INPP4B: variants seen among roughly 807,000 people sequenced by gnomAD.
The protein encoded by INPP4B is inositol polyphosphate-4-phosphatase type II B, also known as inositol polyphosphate 4-phosphatase type II.
INPP4B carries 55 observed loss-of-function variants against 122.5 expected under a neutral mutation model. The ratio of observed to expected loss-of-function variants is 0.45; its 90% CI spans 0.36 to 0.56. INPP4B has a LOEUF of 0.56. Among genes scored for constraint, INPP4B ranks in the 20% least tolerant of loss-of-function variants. The pLI is 0.00. For synonymous variants in INPP4B, 403 were observed against 388.7 expected (o/e 1.04, Z -0.43); for missense variants, 1,000 against 1,097.7 (o/e 0.91, Z 1.26).
rs140022944 is a variant in INPP4B at position 142,129,244 on chromosome 4, A to T, written c.1721-4484T>A. Among the ~76,000 whole-genome samples the T allele has an allele frequency of 2.1e-3, 325 of 152,246 alleles. 3 individuals are homozygous for T. Among genetic ancestry groups the T allele is most frequent in the African/African-American group, 7.5e-3 (311 of 41,542 alleles). ...AAACTTACAGCCAGTAGGGGTTTTC[A>T]TCTATGCCTGAACCCCAGGTAGTAC... is the stretch of plus-strand genomic sequence containing the variant. On this transcript the variant is annotated intron_variant, in intron 18 of 25. Transcript: ENST00000262992.
chr4:142,612,739 C>T (rs1272830224), intron 2 of INPP4B, among the ~76,000 whole-genome samples: 1 of 152,080 alleles, frequency 6.6e-6, no homozygotes, highest in Non-Finnish European at 1.5e-5. Context: ...TTTGTGAAGG[C>T]TCCACCCTCA....
At chr4:142,249,203 A>G (rs1730675250) in intron 11 of INPP4B, among the ~76,000 whole-genome samples, 2 of 152,122 alleles carry the variant, frequency 1.3e-5, no homozygotes. Context: ...TGTTAGGTAT[A>G]CAAAAATACT....
intron 2 of INPP4B, among the ~76,000 whole-genome samples, chr4:142,685,158 C>CAA (rs1759165406): frequency 6.6e-6 from 1 of 152,010 alleles, no homozygotes; most frequent in African/African-American, 2.4e-5. Context: ...TGCTTCTTCC[C>CAA]AATTTTACAA....
intron 2 of INPP4B, among the ~76,000 whole-genome samples, chr4:142,621,972 G>C (rs1745037210): frequency 6.6e-6 from 1 of 151,876 alleles, no homozygotes; most frequent in Non-Finnish European, 1.5e-5. Flanking sequence ...AGAAGATTAA[G>C]TAACTTAATG....
chr4:142,416,198 T>G (rs1266492971), intron 5 of INPP4B, among the ~76,000 whole-genome samples: 2 of 151,958 alleles, frequency 1.3e-5, no homozygotes, highest in East Asian at 3.9e-4. Context: ...TGAGGGAGAA[T>G]AAAGAAAATA....
chr4:142,484,339 C>A (rs1820944821), intron 2 of INPP4B, among the ~76,000 whole-genome samples: 1 of 151,872 alleles, frequency 6.6e-6, no homozygotes, highest in African/African-American at 2.4e-5. Context: ...AATATACATG[C>A]ATATAAAAAT....
intron 7 of INPP4B, among the ~76,000 whole-genome samples, chr4:142,380,039 G>T (rs924625021): frequency 3.9e-5 from 6 of 152,214 alleles, no homozygotes; most frequent in African/African-American, 1.4e-4. Flanking sequence ...ACTTGAGGCA[G>T]AAATAAACTC....
chr4:142,405,924 A>G (rs1803250257), intron 5 of INPP4B, among the ~76,000 whole-genome samples: 1 of 152,024 alleles, frequency 6.6e-6, no homozygotes, highest in African/African-American at 2.4e-5. Flanking sequence ...AGCCTGGAGG[A>G]GATGGGTTAA....
At chr4:142,510,207 T>C (rs1364858149) in intron 2 of INPP4B, among the ~76,000 whole-genome samples, 1 of 152,196 alleles carries the variant, frequency 6.6e-6, no homozygotes, top group East Asian at 1.9e-4. Flanking sequence ...GCTTTAGAGG[T>C]TCATATCAGT....
At chr4:142,376,041 T>C (rs1791712396) in intron 7 of INPP4B, among the ~76,000 whole-genome samples, 1 of 152,060 alleles carries the variant, frequency 6.6e-6, no homozygotes, top group Non-Finnish European at 1.5e-5. Context: ...GTCAAATTTA[T>C]TATAATGAAA....
At chr4:142,273,173 G>T (rs1435102856) in intron 9 of INPP4B, among the ~76,000 whole-genome samples, 1 of 151,916 alleles carries the variant, frequency 6.6e-6, no homozygotes, top group African/African-American at 2.4e-5. Flanking sequence ...TAAATTATGG[G>T]AGATAATTAA....
intron 12 of INPP4B, among the ~76,000 whole-genome samples, chr4:142,224,044 A>G (rs1850474018): frequency 6.6e-6 from 1 of 152,164 alleles, no homozygotes; most frequent in African/African-American, 2.4e-5. Context: ...TGTTTTACCT[A>G]AGTATTCAAA....
At chr4:142,198,167 C>T (rs113807271) in intron 14 of INPP4B, among the ~76,000 whole-genome samples, 4,532 of 151,976 alleles carry the variant, frequency 0.03, 212 homozygotes, top group African/African-American at 0.1. Context: ...TTAAACTGAC[C>T]GGACCTATAT....
At chr4:142,756,612 G>A (rs1278029954) in intron 1 of INPP4B, among the ~76,000 whole-genome samples, 2 of 151,732 alleles carry the variant, frequency 1.3e-5, no homozygotes, top group Non-Finnish European at 2.9e-5. Flanking sequence ...AAGGAAAGGT[G>A]ATTCAAAGTA....
At chr4:142,378,935 A>G (rs1793017171) in intron 7 of INPP4B, among the ~76,000 whole-genome samples, 1 of 152,166 alleles carries the variant, frequency 6.6e-6, no homozygotes, top group Non-Finnish European at 1.5e-5. Context: ...AAGCAAATGT[A>G]GTAGTTGCTA....
At chr4:142,637,712 C>G (rs368765060) in intron 2 of INPP4B, among the ~76,000 whole-genome samples, 17 of 152,156 alleles carry the variant, frequency 1.1e-4, no homozygotes, top group African/African-American at 4.1e-4. Context: ...TGGGTAAATA[C>G]CAAGGAGCAT....
chr4:142,348,033 A>T (rs1579809314), intron 7 of INPP4B, among the ~76,000 whole-genome samples: 1 of 152,240 alleles, frequency 6.6e-6, no homozygotes, highest in Middle Eastern at 3.4e-3. Context: ...TCATAGTGCC[A>T]TTATGTGACT....
At chr4:142,524,197 G>T (rs1319189992) in intron 2 of INPP4B, among the ~76,000 whole-genome samples, 2 of 152,020 alleles carry the variant, frequency 1.3e-5, no homozygotes, top group Non-Finnish European at 2.9e-5. Flanking sequence ...TGGGTCAAAT[G>T]GTATTTCTAG....
intron 25 of INPP4B, chr4:142,029,914 C>T (rs1374769921): frequency 1.6e-6 from 2 of 1,227,732 alleles, no homozygotes; most frequent in East Asian, 3.4e-5. Flanking sequence ...AGCTAGTTAA[C>T]AGTGGGAAAC....
Sources: allele counts gnomAD v4.1 joint callset (sites outside exome capture counted in the v4.1 genomes callset), GRCh38; gene constraint gnomAD v4.1.1; transcripts MANE v1.5; gene names NCBI Gene and HGNC (gene_info 2026-07-23, HGNC 2026-07-21).